The following HDAC4 variants were observed in gnomAD, a reference collection of about 807,000 sequenced individuals.
HDAC4 encodes histone deacetylase A.
A neutral mutation model predicts 135.1 loss-of-function variants in HDAC4; 16 were observed. The observed-to-expected ratio is 0.12, with a 90% confidence interval of 0.08 to 0.18. The LOEUF (loss-of-function observed/expected upper bound fraction) is 0.18, where lower values mean the gene tolerates loss of function less well. HDAC4 is among the 10% of genes least tolerant of loss of function. HDAC4 has a pLI of 1.00. For missense variants in HDAC4, 1,143 were observed against 1,511.8 expected (o/e 0.76, Z 4.05); for synonymous variants, 685 against 653.4 (o/e 1.05, Z -0.74).
At chr2:239,333,580 AG>A (rs1691727783) in intron 2 of HDAC4, among the ~76,000 whole-genome samples, 2 of 152,228 alleles carry the variant, frequency 1.3e-5, no homozygotes, top group Non-Finnish European at 2.9e-5. Flanking sequence ...CAGAAGTGTA[AG>A]GTTGACTTAA....
intron 7 of HDAC4, among the ~76,000 whole-genome samples, chr2:239,147,807 C>T (rs2100171): frequency 2.0e-5 from 3 of 152,230 alleles, no homozygotes; most frequent in Non-Finnish European, 4.4e-5. Context: ...CTAATTAAGG[C>T]GATACAACAT....
At chr2:239,063,264 G>A (rs1280447404) in intron 24 of HDAC4, among the ~76,000 whole-genome samples, 1 of 151,744 alleles carries the variant, frequency 6.6e-6, no homozygotes, top group Non-Finnish European at 1.5e-5. Flanking sequence ...GTGGTGGCGC[G>A]ATCTCGGCTC....
At chr2:239,131,592 G>T (rs2040589762) in intron 11 of HDAC4, among the ~76,000 whole-genome samples, 1 of 152,240 alleles carries the variant, frequency 6.6e-6, no homozygotes, top group South Asian at 2.1e-4. Context: ...CCCTGGCTCT[G>T]GGGGCTGGCT....
At chr2:239,103,683 T>G (rs1326186405) in intron 15 of HDAC4, among the ~76,000 whole-genome samples, 1 of 152,174 alleles carries the variant, frequency 6.6e-6, no homozygotes, top group Admixed American at 6.5e-5. Flanking sequence ...CCCTCCCGAC[T>G]GCAGCCCTGC....
intron 1 of HDAC4, among the ~76,000 whole-genome samples, chr2:239,359,655 C>A (rs1474981626): frequency 4.6e-5 from 7 of 152,196 alleles, no homozygotes; most frequent in African/African-American, 1.4e-4. Flanking sequence ...GCCTTCGGGT[C>A]ACCTTTTCAG....
Position 239,234,105 on chromosome 2 carries a change from T to G in HDAC4, c.94+2488A>C, listed in dbSNP as rs563711559. Among the ~76,000 whole-genome samples, 19 of 152,334 alleles carry G rather than the reference T, an allele frequency of 1.2e-4. No individual in the cohort carries two copies. In the South Asian group the frequency reaches 3.7e-3, roughly 30 times the overall value. On this transcript the variant is annotated intron_variant, in intron 3 of 26. Transcript: ENST00000543185. Reference sequence around the variant, plus strand: ...TTTCAGTGGGTTGAAATGACCAAAATGCAGTTTGAAAGAACACGCTTCACA... The same window carrying G: ...TTTCAGTGGGTTGAAATGACCAAAAGGCAGTTTGAAAGAACACGCTTCACA...
intron 1 of HDAC4, among the ~76,000 whole-genome samples, chr2:239,369,712 G>A (rs1243227189): frequency 6.6e-6 from 1 of 152,182 alleles, no homozygotes; most frequent in Non-Finnish European, 1.5e-5. Context: ...CGCCTCGGAA[G>A]CCAGGTTGCT....
At chr2:239,086,409 TA>T (rs2035958555) in intron 19 of HDAC4, among the ~76,000 whole-genome samples, 1 of 149,138 alleles carries the variant, frequency 6.7e-6, no homozygotes. Flanking sequence ...ATCTCTCACG[TA>T]CAGTCTCCTC....
At chr2:239,191,184 G>C (rs539144695) in intron 3 of HDAC4, 1 of 350,856 alleles carries the variant, frequency 2.9e-6, no homozygotes, top group African/African-American at 2.1e-5. Context: ...TTGCCCTCTA[G>C]GAGGGTCTCA....
At chr2:239,143,390 A>G (rs967657930) in intron 8 of HDAC4, among the ~76,000 whole-genome samples, 12 of 152,216 alleles carry the variant, frequency 7.9e-5, no homozygotes. Context: ...CCTCGTTTCA[A>G]CTGAATCTTC....
At chr2:239,322,652 T>G (rs1236312505) in intron 2 of HDAC4, among the ~76,000 whole-genome samples, 2 of 152,216 alleles carry the variant, frequency 1.3e-5, no homozygotes, top group Non-Finnish European at 2.9e-5. Context: ...TACAGCAGCC[T>G]GGCATGTAGC....
At chr2:239,181,324 G>A (rs1385231084) in intron 4 of HDAC4, among the ~76,000 whole-genome samples, 2 of 152,228 alleles carry the variant, frequency 1.3e-5, no homozygotes, top group East Asian at 1.9e-4. Context: ...CCAGGCAGGT[G>A]CAATGCAGGC....
In HDAC4 at chr2:239,289,455, C is replaced by A. The variant is rs778876399; in HGVS notation, c.23-52791G>T. On this transcript the variant is annotated intron_variant, in intron 2 of 26. Transcript: ENST00000543185. ...ACAATATGTGTGTGTGTTTCCAGATCAAGGAAGTCGAGTAAAACACTTCTA... is the reference window on the plus strand; with the variant it reads ...ACAATATGTGTGTGTGTTTCCAGATAAAGGAAGTCGAGTAAAACACTTCTA... 9.7e-4 allele frequency among the ~76,000 whole-genome samples: 148 copies of A among 152,340 alleles called. 1 individual carries two copies. The highest frequency in any genetic ancestry group is 1.5e-3 in the Non-Finnish European group (105 of 68,032).
chr2:239,360,663 G>C (rs2125961239), intron 1 of HDAC4, among the ~76,000 whole-genome samples: 1 of 151,686 alleles, frequency 6.6e-6, no homozygotes, highest in South Asian at 2.1e-4. Context: ...GGTCCCTTAG[G>C]AAAGAGTACT....
chr2:239,264,120 C>G (rs759190563), intron 2 of HDAC4, among the ~76,000 whole-genome samples: 2 of 152,176 alleles, frequency 1.3e-5, no homozygotes, highest in Non-Finnish European at 2.9e-5. Context: ...GCGGGGAGCT[C>G]GTGGGGAGAC....
At chr2:239,278,280 G>A (rs1021428821) in intron 2 of HDAC4, among the ~76,000 whole-genome samples, 21 of 152,124 alleles carry the variant, frequency 1.4e-4, no homozygotes, top group African/African-American at 4.1e-4. Context: ...CCAAGAAGAG[G>A]TGCCCACCAA....
At chr2:239,130,320 G>C (rs1441796897) in intron 11 of HDAC4, among the ~76,000 whole-genome samples, 5 of 152,142 alleles carry the variant, frequency 3.3e-5, no homozygotes, top group Non-Finnish European at 5.9e-5. Flanking sequence ...GCCCTTCCTG[G>C]GACTCGCTGT....
intron 2 of HDAC4, among the ~76,000 whole-genome samples, chr2:239,249,223 G>A (rs2048639234): frequency 6.6e-6 from 1 of 152,192 alleles, no homozygotes; most frequent in African/African-American, 2.4e-5. Flanking sequence ...GTTCCCACGG[G>A]GCAGACAGAG....
intron 1 of HDAC4, among the ~76,000 whole-genome samples, chr2:239,387,452 C>A (rs1244259410): frequency 6.6e-6 from 1 of 152,216 alleles, no homozygotes; most frequent in East Asian, 1.9e-4. Context: ...CCCCCACCTT[C>A]GCCTGGAAGA....
Sources: gnomAD v4.1 joint callset for allele counts (sites outside exome capture counted in the v4.1 genomes callset) on GRCh38, gnomAD v4.1.1 for gene constraint, MANE v1.5 for transcripts, NCBI Gene and HGNC (gene_info 2026-07-23, HGNC 2026-07-21) for gene names.